The following PDXDC1 variants were observed in gnomAD, a reference collection of about 807,000 sequenced individuals.
The protein encoded by PDXDC1 is pyridoxal dependent decarboxylase domain containing 1, also known as pyridoxal-dependent decarboxylase domain-containing protein 1.
Under a neutral mutation model 100.1 loss-of-function variants are expected in PDXDC1, and 42 were observed. That is an observed-to-expected ratio of 0.42 (90% CI 0.33 to 0.54). The LOEUF is 0.54. Ranked by LOEUF, PDXDC1 falls within the 20% of genes least tolerant of loss-of-function variation. The pLI is 0.10. For missense variants in PDXDC1, 636 were observed against 979.2 expected (o/e 0.65, Z 4.68); for synonymous variants, 260 against 371.7 (o/e 0.70, Z 3.46).
At chr16:15,027,106 C>T (rs1597620578) in intron 14 of PDXDC1, among the ~76,000 whole-genome samples, 2 of 152,414 alleles carry the variant, frequency 1.3e-5, no homozygotes, top group Admixed American at 6.5e-5. Context: ...TGGCCATTGT[C>T]CCCTGTCAAC....
At chr16:15,125,747 G>A (rs1166518021) in intron 16 of PDXDC1, 9 of 1,497,954 alleles carry the variant, frequency 6.0e-6, no homozygotes, top group Middle Eastern at 2.4e-4. Context: ...GACGAGTCCA[G>A]GCAGCTGTCG....
At chr16:15,019,085 C>T (rs2041992963) in intron 12 of PDXDC1, 120 bp downstream of exon 12, 2 of 1,445,228 alleles carry the variant, frequency 1.4e-6, no homozygotes, top group East Asian at 2.4e-5. Flanking sequence ...TCTCGTGAGC[C>T]AGAGACTAAT....
chr16:15,149,983 G>C, the PDXDC1 span, among the ~76,000 whole-genome samples: 3 of 152,076 alleles, frequency 2.0e-5, no homozygotes, highest in African/African-American at 7.2e-5. Flanking sequence ...AGAAATCCAG[G>C]CTGCAGGAGC....
At chr16:15,131,222 C>G in intron 16 of PDXDC1, 1 of 1,591,214 alleles carries the variant, frequency 6.3e-7, no homozygotes, top group Non-Finnish European at 8.5e-7. Context: ...CCCCGGGCAG[C>G]CCAGTCCGAG....
At chr16:15,152,283 A>T in the PDXDC1 span, among the ~76,000 whole-genome samples, 2 of 130,530 alleles carry the variant, frequency 1.5e-5, no homozygotes, top group African/African-American at 5.3e-5. Context: ...TGACACCCAG[A>T]CAGCAACGCT....
intron 16 of PDXDC1, chr16:15,061,668 G>A: frequency 7.0e-7 from 1 of 1,425,584 alleles, no homozygotes; most frequent in Non-Finnish European, 9.7e-7. Context: ...ATGCCCAATG[G>A]CACAAGCTGG....
chr16:15,029,791 T>G (rs2042919435), intron 15 of PDXDC1, 160 bp from the exon 16 acceptor site: 4 of 607,724 alleles, frequency 6.6e-6, no homozygotes, highest in Non-Finnish European at 1.2e-5. Context: ...CCATAAAATT[T>G]ACTGTTTTTA....
At chr16:15,132,488 A>C (rs1039638466) in intron 16 of PDXDC1, among the ~76,000 whole-genome samples, 1 of 149,278 alleles carries the variant, frequency 6.7e-6, no homozygotes, top group Non-Finnish European at 1.5e-5. Context: ...GTCCCTCCCC[A>C]CATCTGGGCC....
At chr16:15,015,050 G>A (rs1475138607) in intron 8 of PDXDC1, among the ~76,000 whole-genome samples, 2 of 152,260 alleles carry the variant, frequency 1.3e-5, no homozygotes, top group Non-Finnish European at 1.5e-5. Context: ...CCATTCTCCC[G>A]CCTCGGCCCC....
intron 16 of PDXDC1, chr16:15,133,510 G>A (rs1431053311): frequency 3.1e-5 from 27 of 884,448 alleles, no homozygotes; most frequent in Non-Finnish European, 4.3e-5. Flanking sequence ...CGACCACAGC[G>A]GCTCCCAGCT....
chr16:14,983,966 C>T (rs1365020140), intron 1 of PDXDC1, among the ~76,000 whole-genome samples: 2 of 152,250 alleles, frequency 1.3e-5, no homozygotes, highest in African/African-American at 4.8e-5. Flanking sequence ...AGTTTGAGGG[C>T]AGCCAGGGCA....
At chr16:15,058,004 G>T (rs1002382483) in intron 16 of PDXDC1, among the ~76,000 whole-genome samples, 1 of 152,286 alleles carries the variant, frequency 6.6e-6, no homozygotes, top group East Asian at 1.9e-4. Context: ...TGGTCTACAG[G>T]CAATGAGGAA....
At chr16:14,992,993 A>G (rs1410635725) in intron 1 of PDXDC1, among the ~76,000 whole-genome samples, 1 of 152,260 alleles carries the variant, frequency 6.6e-6, no homozygotes, top group African/African-American at 2.4e-5. Context: ...CTAGGTCTAC[A>G]GGTGTGCACC....
Position 15,111,651 on chromosome 16 carries a change from C to G in PDXDC1, c.1400-27228C>G, listed in dbSNP as rs562803661. Among the ~76,000 whole-genome samples the G allele has an allele frequency of 7.9e-3, 1,062 of 134,750 alleles. 8 individuals carry two copies. Among genetic ancestry groups the G allele is most frequent in the African/African-American group, 0.023 (866 of 37,184 alleles). 88.4% of individuals were successfully genotyped at this position (134,750 alleles called of 152,430 possible). ...CGCACGCCTGTAGTCCCAGCTACTC[C>G]GGAGGCTGAGGCAGGAGAACTGCTT... On this transcript the variant is annotated intron_variant, in intron 16 of 16. Transcript: ENST00000535621.
the PDXDC1 span, among the ~76,000 whole-genome samples, chr16:15,146,136 G>GC: frequency 6.6e-6 from 1 of 152,198 alleles, no homozygotes; most frequent in South Asian, 2.1e-4. Flanking sequence ...GGTGGCCAGC[G>GC]CATCACCCAC....
intron 16 of PDXDC1, among the ~76,000 whole-genome samples, chr16:15,096,642 A>T (rs922548362): frequency 1.3e-5 from 2 of 152,266 alleles, no homozygotes; most frequent in Non-Finnish European, 2.9e-5. Context: ...AGCAAAAACA[A>T]AAAGCAACAA....
upstream of PDXDC1, chr16:14,974,967 C>T (rs1237420806): frequency 6.5e-7 from 1 of 1,535,122 alleles, no homozygotes; most frequent in Non-Finnish European, 8.7e-7. Flanking sequence ...GCCGGCGTGG[C>T]GCCCAGGTAC....
At chr16:15,078,556 A>G (rs2045559685) in intron 16 of PDXDC1, among the ~76,000 whole-genome samples, 1 of 152,198 alleles carries the variant, frequency 6.6e-6, no homozygotes, top group Non-Finnish European at 1.5e-5. Flanking sequence ...AAAAAATGAC[A>G]GCAGTATCTG....
At chr16:15,072,658 C>T (rs2045286086) in intron 16 of PDXDC1, among the ~76,000 whole-genome samples, 1 of 152,054 alleles carries the variant, frequency 6.6e-6, no homozygotes, top group African/African-American at 2.4e-5. Context: ...CAAAAATTAG[C>T]CAGGCATGGT....
Sources: allele counts gnomAD v4.1 joint callset (sites outside exome capture counted in the v4.1 genomes callset), GRCh38; gene constraint gnomAD v4.1.1; transcripts MANE v1.5; gene names NCBI Gene and HGNC (gene_info 2026-07-23, HGNC 2026-07-21).